SCN11A: variants seen among roughly 807,000 people sequenced by gnomAD.
SCN11A encodes sodium channel protein type 11 subunit alpha.
SCN11A carries 122 observed loss-of-function variants against 162.2 expected under a neutral mutation model. The ratio of observed to expected loss-of-function variants is 0.75; its 90% CI spans 0.65 to 0.87. SCN11A has a LOEUF of 0.87. Ranked by LOEUF, SCN11A falls within the 40% of genes least tolerant of loss-of-function variation. The pLI, the probability that SCN11A is intolerant of heterozygous loss-of-function variation, is 0.00. For missense variants in SCN11A, 2,015 were observed against 2,181.6 expected, an observed-to-expected ratio of 0.92 and a Z score of 1.52; for synonymous variants, 758 against 751.5, an observed-to-expected ratio of 1.01 and a Z score of -0.14.
intron 27 of SCN11A, among the ~76,000 whole-genome samples, chr3:38,866,932 T>C (rs1384208867): frequency 1.3e-5 from 2 of 151,920 alleles, no homozygotes; most frequent in African/African-American, 2.4e-5. Context: ...AAAAGGAGAG[T>C]ATATTAGTTT....
At chr3:38,916,941 GATC>G (rs1327373316) in intron 11 of SCN11A, among the ~76,000 whole-genome samples, 1 of 152,154 alleles carries the variant, frequency 6.6e-6, no homozygotes, top group African/African-American at 2.4e-5. Flanking sequence ...AGCATGTTGT[GATC>G]ACTGTGGAAT....
chr3:39,043,241 T>A (rs571297389), intron 1 of SCN11A, among the ~76,000 whole-genome samples: 10 of 152,188 alleles, frequency 6.6e-5, no homozygotes, highest in African/African-American at 2.4e-4. Context: ...GTACAACCAT[T>A]ATGAAGAATC....
At chr3:38,982,325 G>A (rs1372615935) in intron 2 of SCN11A, among the ~76,000 whole-genome samples, 1 of 152,196 alleles carries the variant, frequency 6.6e-6, no homozygotes, top group African/African-American at 2.4e-5. Context: ...TTTACTGGGT[G>A]TAAAGCGCAT....
At chr3:38,893,386 G>C (rs1447435515) in intron 19 of SCN11A, among the ~76,000 whole-genome samples, 1 of 152,114 alleles carries the variant, frequency 6.6e-6, no homozygotes, top group Non-Finnish European at 1.5e-5. Context: ...TGACATAACT[G>C]TTGGAAGAAA....
At chr3:38,949,755 T>G (rs2066572702) in intron 5 of SCN11A, among the ~76,000 whole-genome samples, 1 of 152,124 alleles carries the variant, frequency 6.6e-6, no homozygotes, top group African/African-American at 2.4e-5. Context: ...TTGCCCAGAG[T>G]CATAAAGCCA....
In SCN11A at chr3:38,863,286, T is replaced by C; in HGVS notation, c.3965A>G (p.Asp1322Gly). 1 of 1,588,306 alleles carries C rather than the reference T, an allele frequency of 6.3e-7. No homozygotes were observed. Among genetic ancestry groups the C allele is most frequent in the Admixed American group, 1.7e-5 (1 of 59,822 alleles). ...NQQQKKLGGQ[D>G]IFMTEEQKKY... is the part of the protein sequence containing the mutation. ...CTTCTGTTCTTCTGTCATAAAAATG[T>C]CTTGGCCACCTAAGTATATGGAGAA... The change falls in exon 28 of 30, where the codon GAC (aspartate) becomes GGC (glycine). Residue 1322 changes from aspartate (D) to glycine (G), a missense_variant. By Grantham distance (94) the Asp-to-Gly change is moderately conservative. Coordinates refer to ENST00000302328, the MANE Select transcript of SCN11A (RefSeq NM_001349253.2).
intron 11 of SCN11A, among the ~76,000 whole-genome samples, chr3:38,918,605 G>C (rs73828717): frequency 0.016 from 2,428 of 152,284 alleles, 67 homozygotes; most frequent in African/African-American, 0.056. Flanking sequence ...ATGTTGGGGA[G>C]CTTTCTGGCA....
intron 2 of SCN11A, among the ~76,000 whole-genome samples, chr3:38,969,933 A>T (rs1013165132): frequency 6.6e-6 from 1 of 150,720 alleles, no homozygotes; most frequent in African/African-American, 2.4e-5. Flanking sequence ...GCCCAATCAA[A>T]GCCTCCAGGC....
intron 2 of SCN11A, among the ~76,000 whole-genome samples, chr3:38,965,137 T>C (rs74755543): frequency 0.03 from 4,540 of 152,220 alleles, 92 homozygotes; most frequent in Non-Finnish European, 0.049. Flanking sequence ...TCCTCCAGGG[T>C]TCTAATGGAG....
At chr3:38,908,929 T>A in intron 13 of SCN11A, 68 bp downstream of exon 13, 1 of 1,401,712 alleles carries the variant, frequency 7.1e-7, no homozygotes, top group Non-Finnish European at 1.0e-6. Flanking sequence ...GAGTCTCAGG[T>A]CACATTGCCT....
At chr3:38,856,177 C>G (rs1407918291) in intron 28 of SCN11A, among the ~76,000 whole-genome samples, 1 of 152,184 alleles carries the variant, frequency 6.6e-6, no homozygotes, top group Non-Finnish European at 1.5e-5. Context: ...GGGCAGGCAT[C>G]CTCTGTGATT....
chr3:38,940,979 C>T (rs747695732), intron 7 of SCN11A, among the ~76,000 whole-genome samples: 11 of 152,056 alleles, frequency 7.2e-5, no homozygotes, highest in Non-Finnish European at 1.6e-4. Context: ...GGAAGGTAAA[C>T]AAAAGGAGGC....
At chr3:39,036,064 T>C (rs918786471) in intron 1 of SCN11A, among the ~76,000 whole-genome samples, 2 of 152,204 alleles carry the variant, frequency 1.3e-5, no homozygotes, top group African/African-American at 4.8e-5. Context: ...TGCAGAAACT[T>C]GATTGGCATA....
chr3:38,911,382 T>C (rs1169198129), intron 11 of SCN11A, among the ~76,000 whole-genome samples: 1 of 152,226 alleles, frequency 6.6e-6, no homozygotes, highest in African/African-American at 2.4e-5. Flanking sequence ...TAAGAATTCT[T>C]ATGCCAGTTT....
At chr3:38,914,118 T>A (rs1388032567) in intron 11 of SCN11A, among the ~76,000 whole-genome samples, 1 of 152,176 alleles carries the variant, frequency 6.6e-6, no homozygotes, top group East Asian at 1.9e-4. Context: ...ATTCTTCCTA[T>A]CCATGAGCAT....
intron 2 of SCN11A, among the ~76,000 whole-genome samples, chr3:39,015,023 T>C (rs552106544): frequency 1.1e-4 from 16 of 152,350 alleles, no homozygotes; most frequent in African/African-American, 3.1e-4. Flanking sequence ...TCTGATGTCA[T>C]GGCCACTGCT....
Position 38,904,041 on chromosome 3 carries a change from C to T in SCN11A, c.1666G>A (p.Val556Met), listed in dbSNP as rs200175925. The T allele has an allele frequency of 4.7e-5, 75 of 1,606,626 alleles. No homozygotes were observed. In the African/African-American group the frequency reaches 5.2e-4, roughly 11 times the overall value. Residue 556 changes from valine (V) to methionine (M), a missense_variant, in exon 16 of 30, where the codon GTG (valine) becomes ATG (methionine). Coordinates refer to ENST00000302328, the MANE Select transcript of SCN11A (RefSeq NM_001349253.2). ...CGENLASKYL[V>M]WNCCPQWLCV... ...AGCCACTGGGGGCAACAGTTCCACACGAGGTACTTGGATGCCAGGTTTTCT... is the reference window on the plus strand; with the variant it reads ...AGCCACTGGGGGCAACAGTTCCACATGAGGTACTTGGATGCCAGGTTTTCT...
At chr3:38,993,066 TAAGAGG>T (rs1352368650) in intron 2 of SCN11A, among the ~76,000 whole-genome samples, 1 of 152,134 alleles carries the variant, frequency 6.6e-6, no homozygotes, top group Non-Finnish European at 1.5e-5. Flanking sequence ...TGGGTTGCAA[TAAGAGG>T]AAAAGAATAT....
intron 2 of SCN11A, among the ~76,000 whole-genome samples, chr3:38,966,815 C>T (rs2066785400): frequency 6.6e-6 from 1 of 152,182 alleles, no homozygotes; most frequent in South Asian, 2.1e-4. Context: ...TCTGTGAAGC[C>T]TTTCTTGACC....
Sources: gnomAD v4.1 joint callset for allele counts (sites outside exome capture counted in the v4.1 genomes callset) on GRCh38, gnomAD v4.1.1 for gene constraint, MANE v1.5 for transcripts, NCBI Gene and HGNC (gene_info 2026-07-23, HGNC 2026-07-21) for gene names.